The following PRKG1 variants were observed in gnomAD, a reference collection of about 807,000 sequenced individuals.
PRKG1 encodes cGMP-dependent protein kinase 1.
PRKG1 carries 35 observed loss-of-function variants against 88.1 expected under a neutral mutation model. The observed-to-expected ratio is 0.40, with a 90% CI of 0.30 to 0.53. The LOEUF is 0.53. PRKG1 is among the 20% of genes least tolerant of loss of function. The pLI is 0.59. For missense variants in PRKG1, 540 were observed against 839.8 expected (o/e 0.64, Z 4.41); for synonymous variants, 303 against 292.5 (o/e 1.04, Z -0.37).
intron 9 of PRKG1, among the ~76,000 whole-genome samples, chr10:52,249,048 C>CTCCCCTTCCG (rs1424250955): frequency 1.7e-4 from 16 of 91,970 alleles, no homozygotes; most frequent in Non-Finnish European, 2.9e-4. Flanking sequence ...CTCCCCTTCC[C>CTCCCCTTCCG]TCCCCTTCCC....
rs181622804 is a variant in PRKG1, at chr10:51,609,823, A to G, written c.592+141987A>G. Among the ~76,000 whole-genome samples the G allele has an allele frequency of 4.6e-5, 7 of 152,154 alleles. No individual in the cohort carries two copies. The East Asian group carries it at 1.2e-3, about 25-fold the overall frequency. ...GGACATAGGGAGGGGAACAACACAC[A>G]CTGGGGCCTGTCAGGGATTATGGTA... is the stretch of plus-strand genomic sequence containing the variant. On this transcript the variant is annotated intron_variant, in intron 3 of 17. Transcript: ENST00000373980.
At chr10:52,021,907 C>G (rs552694521) in intron 5 of PRKG1, among the ~76,000 whole-genome samples, 2 of 152,226 alleles carry the variant, frequency 1.3e-5, no homozygotes, top group East Asian at 3.9e-4. Context: ...TTTCTTATTG[C>G]CATATCCATG....
intron 5 of PRKG1, among the ~76,000 whole-genome samples, chr10:52,042,684 C>T (rs192990565): frequency 3.9e-5 from 6 of 152,100 alleles, no homozygotes; most frequent in Non-Finnish European, 8.8e-5. Context: ...TTAGTAAAAC[C>T]TCAAAAGCAC....
chr10:51,546,635 G>C (rs184673399), intron 3 of PRKG1, among the ~76,000 whole-genome samples: 6 of 151,992 alleles, frequency 3.9e-5, no homozygotes, highest in Admixed American at 2.0e-4. Flanking sequence ...AACTTTAATG[G>C]TTTTCTACGT....
At chr10:51,866,762 A>G (rs1841024245) in intron 4 of PRKG1, among the ~76,000 whole-genome samples, 1 of 152,200 alleles carries the variant, frequency 6.6e-6, no homozygotes, top group Non-Finnish European at 1.5e-5. Flanking sequence ...GTGTCAGTTC[A>G]GGCAAGAAGT....
intron 7 of PRKG1, among the ~76,000 whole-genome samples, chr10:52,120,402 G>A (rs1341139193): frequency 2.6e-5 from 4 of 152,158 alleles, no homozygotes; most frequent in Admixed American, 6.5e-5. Flanking sequence ...TCAAAAGTCC[G>A]AATCCCAAAG....
chr10:51,577,900 A>G (rs533910564), intron 3 of PRKG1, among the ~76,000 whole-genome samples: 1 of 152,220 alleles, frequency 6.6e-6, no homozygotes, highest in East Asian at 1.9e-4. Context: ...TATTCAATTG[A>G]CAGGCAGTTT....
chr10:51,131,385 G>A (rs1175817078), intron 1 of PRKG1, among the ~76,000 whole-genome samples: 1 of 152,150 alleles, frequency 6.6e-6, no homozygotes, highest in African/African-American at 2.4e-5. Context: ...CAGTACTACA[G>A]ATAACTGTTT....
At chr10:51,537,179 T>C (rs10997972) in intron 3 of PRKG1, among the ~76,000 whole-genome samples, 41,526 of 152,072 alleles carry the variant, frequency 0.27, 7,622 homozygotes, top group East Asian at 0.88. Flanking sequence ...ATTTTTTTAA[T>C]GTGCTGAAAT....
rs76271256 is a variant in PRKG1, at chr10:52,109,905, G to A, written c.936-23935G>A. On this transcript the variant is annotated intron_variant, in intron 7 of 17. Coordinates refer to ENST00000373980, the MANE Select transcript of PRKG1 (RefSeq NM_006258.4). ...TTGGATGGTGGTTCCTCATCTTCCC[G>A]GGCCATGTCCTGTATCACACCACTT... Among the ~76,000 whole-genome samples, 728 of 151,918 alleles carry A rather than the reference G, an allele frequency of 4.8e-3. 17 individuals carry two copies. The highest frequency in any genetic ancestry group is 0.017 in the African/African-American group (683 of 41,278).
intron 2 of PRKG1, among the ~76,000 whole-genome samples, chr10:51,389,371 C>T (rs2090877414): frequency 6.6e-6 from 1 of 152,146 alleles, no homozygotes; most frequent in African/African-American, 2.4e-5. Flanking sequence ...AAAAGAACCC[C>T]ACAGATAGAA....
At chr10:52,106,224 T>C (rs11000794) in intron 7 of PRKG1, among the ~76,000 whole-genome samples, 72,479 of 152,030 alleles carry the variant, frequency 0.48, 17,732 homozygotes, top group African/African-American at 0.58. Flanking sequence ...CAGCACTGAA[T>C]TGGACCTGTT....
At chr10:51,475,990 A>C (rs546833018) in intron 3 of PRKG1, among the ~76,000 whole-genome samples, 59 of 152,194 alleles carry the variant, frequency 3.9e-4, no homozygotes, top group South Asian at 3.3e-3. Context: ...TTACAACATC[A>C]AAATACATTT....
intron 7 of PRKG1, among the ~76,000 whole-genome samples, chr10:52,081,062 C>T (rs1846761362): frequency 6.6e-6 from 1 of 152,218 alleles, no homozygotes; most frequent in Non-Finnish European, 1.5e-5. Flanking sequence ...TGCTGCTGAG[C>T]ACCCTCTTCA....
Position 51,486,351 on chromosome 10 carries a change from T to G in PRKG1, c.592+18515T>G, listed in dbSNP as rs546422640. Among the ~76,000 whole-genome samples the G allele has an allele frequency of 1.7e-4, 26 of 152,302 alleles. No homozygotes were observed. The East Asian group carries it at 5.0e-3, about 29-fold the overall frequency. ...GTATCTTGTAAATAAGAGAGCAGGA[T>G]GACTTTTGGAGGTTATGGATAGGTT... is the stretch of plus-strand genomic sequence containing the variant. On this transcript the variant is annotated intron_variant, in intron 3 of 17. Transcript: ENST00000373980.
chr10:51,853,785 C>T (rs1840614632), intron 4 of PRKG1, among the ~76,000 whole-genome samples: 1 of 152,072 alleles, frequency 6.6e-6, no homozygotes, highest in South Asian at 2.1e-4. Context: ...AAGGAAAAGG[C>T]TGATTTGGGA....
chr10:52,218,072 C>G (rs548389819), intron 9 of PRKG1, among the ~76,000 whole-genome samples: 1 of 151,770 alleles, frequency 6.6e-6, no homozygotes, highest in South Asian at 2.1e-4. Context: ...ATTAGCTGGG[C>G]GTGGTGGCAC....
chr10:51,857,739 T>C (rs1482712705), intron 4 of PRKG1, among the ~76,000 whole-genome samples: 1 of 152,142 alleles, frequency 6.6e-6, no homozygotes, highest in Admixed American at 6.5e-5. Flanking sequence ...GCCAGCCAGA[T>C]TTCTTTTTCT....
rs752412264 is a variant in PRKG1, at chr10:51,578,980, G to GTTTTTTTTTTTTTTTTTTTTTTTT, written c.592+111149_592+111172dup. ...GAAGAGTTTGGAATAAGTTCTGTTG[G>GTTTTTTTTTTTTTTTTTTTTTTTT]TTTTTTTTTTTTTTTTTTTTTTTTT... is the stretch of plus-strand genomic sequence containing the variant. On this transcript the variant is annotated intron_variant, in intron 3 of 17. Coordinates refer to ENST00000373980, the MANE Select transcript of PRKG1 (RefSeq NM_006258.4). 2.1e-4 allele frequency among the ~76,000 whole-genome samples: 16 copies of GTTTTTTTTTTTTTTTTTTTTTTTT among 77,832 alleles called. 1 individual carries two copies. The highest frequency in any genetic ancestry group is 6.9e-4 in the African/African-American group (13 of 18,902). The allele number at this position is 77,832 out of a possible 152,430, so 51.1% of individuals were successfully genotyped here.
Sources: gnomAD v4.1 joint callset for allele counts (sites outside exome capture counted in the v4.1 genomes callset) on GRCh38, gnomAD v4.1.1 for gene constraint, MANE v1.5 for transcripts, NCBI Gene and HGNC (gene_info 2026-07-23, HGNC 2026-07-21) for gene names.